MCF2L2: variants seen among roughly 807,000 people sequenced by gnomAD.
The protein encoded by MCF2L2 is MCF.2 cell line derived transforming sequence-like 2.
Under a neutral mutation model 150.2 loss-of-function variants are expected in MCF2L2, and 102 were observed. That is an observed-to-expected ratio of 0.68 (90% confidence interval 0.58 to 0.80). MCF2L2 has a LOEUF of 0.80. MCF2L2 is among the 30% of genes least tolerant of loss of function. The probability of loss-of-function intolerance (pLI) is 0.00; values close to 1 mark genes in which losing one functional copy is unlikely to be tolerated. For missense variants in MCF2L2, 1,256 were observed against 1,372.8 expected (o/e 0.91, Z 1.34); for synonymous variants, 465 against 491.3 (o/e 0.95, Z 0.71).
chr3:183,248,583 CT>C (rs1724365131), intron 15 of MCF2L2, among the ~76,000 whole-genome samples: 1 of 152,078 alleles, frequency 6.6e-6, no homozygotes, highest in South Asian at 2.1e-4. Context: ...ACCTGTAATC[CT>C]AACACTTTGG....
At position 183,297,147 on chromosome 3, in the gene MCF2L2, T is replaced by A; in HGVS notation, c.1326A>T (p.Ala442=). 1 of 1,614,116 alleles carries A rather than the reference T, an allele frequency of 6.2e-7. No homozygotes were observed. ...QLDKVSQWCE[A]GIYLLASQAV... Reference sequence around the variant, plus strand: ...CTTGGGAAGCCAAGAGGTAGATTCCTGCCTCACACCATTGGCTGACCTTTT... The same window carrying A: ...CTTGGGAAGCCAAGAGGTAGATTCCAGCCTCACACCATTGGCTGACCTTTT... Residue 442 remains alanine (A), a synonymous_variant, in exon 12 of 30, where the codon GCA becomes GCT. Transcript: ENST00000328913.
chr3:183,425,237 T>C (rs542879246), intron 1 of MCF2L2, among the ~76,000 whole-genome samples: 6 of 152,164 alleles, frequency 3.9e-5, no homozygotes, highest in South Asian at 4.2e-4. Flanking sequence ...TATGGAAATA[T>C]GGGAGTGGGT....
At position 183,179,488 on chromosome 3, in the gene MCF2L2, G is replaced by C. The variant is rs2108625115; in HGVS notation, c.3237C>G (p.Thr1079=). ...TGGACGCCCCAGCGCGCTCCTCCTC[G>C]GTGCTGCGGGTCGCCCTGCAATTCC... ...RDEEETATRS[T]EEERAGASTG... Residue 1079 remains threonine, a synonymous_variant, in exon 30 of 30, where the codon ACC becomes ACG. Transcript: ENST00000328913. The surrounding 1 kb of genome is among the most constrained non-coding windows in gnomAD (Gnocchi z 4.2). The C allele has an allele frequency of 1.9e-6, 3 of 1,607,488 alleles. No homozygotes were observed. The highest frequency in any genetic ancestry group is 2.6e-6 in the Non-Finnish European group (3 of 1,176,320).
At chr3:183,188,998 C>G (rs1220991020) in intron 27 of MCF2L2, among the ~76,000 whole-genome samples, 1 of 151,966 alleles carries the variant, frequency 6.6e-6, no homozygotes, top group East Asian at 1.9e-4. Flanking sequence ...TATGATTGAT[C>G]ACACACTGTA....
chr3:183,306,864 A>C (rs1265418156), intron 10 of MCF2L2, among the ~76,000 whole-genome samples: 1 of 152,204 alleles, frequency 6.6e-6, no homozygotes, highest in East Asian at 1.9e-4. Context: ...GGCTGAAATC[A>C]GGTGGTTCCT....
At chr3:183,387,059 C>G (rs960667967) in intron 2 of MCF2L2, among the ~76,000 whole-genome samples, 1 of 152,086 alleles carries the variant, frequency 6.6e-6, no homozygotes, top group Non-Finnish European at 1.5e-5. Context: ...AGTTCCAGAC[C>G]AGCCTGGGCA....
At chr3:183,194,968 A>G (rs1722031649) in intron 26 of MCF2L2, among the ~76,000 whole-genome samples, 1 of 151,962 alleles carries the variant, frequency 6.6e-6, no homozygotes, top group African/African-American at 2.4e-5. Flanking sequence ...TTTTTGTTAG[A>G]GACAGGGTTT....
At chr3:183,261,376 T>C (rs532722259) in intron 15 of MCF2L2, among the ~76,000 whole-genome samples, 15 of 152,322 alleles carry the variant, frequency 9.8e-5, no homozygotes, top group South Asian at 6.2e-4. Flanking sequence ...AGCATAAAGA[T>C]GGTACAGAAG....
chr3:183,254,801 G>A (rs913650355), intron 15 of MCF2L2: 1 of 152,302 alleles, frequency 6.6e-6, no homozygotes, highest in Non-Finnish European at 1.5e-5. Flanking sequence ...CAGGGAAGTG[G>A]GCAGGCGGGG....
At chr3:183,200,881 ATCCT>A (rs1722255222) in intron 25 of MCF2L2, among the ~76,000 whole-genome samples, 1 of 152,188 alleles carries the variant, frequency 6.6e-6, no homozygotes, top group South Asian at 2.1e-4. Flanking sequence ...TAAATAGGGA[ATCCT>A]TTCCCTATTT....
At chr3:183,405,243 TATAG>T (rs1314302440) in intron 1 of MCF2L2, among the ~76,000 whole-genome samples, 1 of 152,214 alleles carries the variant, frequency 6.6e-6, no homozygotes, top group Non-Finnish European at 1.5e-5. Flanking sequence ...AAAATGGGAT[TATAG>T]ACTTTCTTTC....
intron 27 of MCF2L2, among the ~76,000 whole-genome samples, chr3:183,186,015 G>A (rs1406556870): frequency 1.3e-5 from 2 of 151,982 alleles, no homozygotes; most frequent in Non-Finnish European, 2.9e-5. Context: ...GGGAGGGAGG[G>A]GCTGTAGGTC....
At position 183,311,039 on chromosome 3, in the gene MCF2L2, A is replaced by G. The variant is rs1325486596; in HGVS notation, c.879-10T>C. 2 of 1,516,510 alleles carry G rather than the reference A, an allele frequency of 1.3e-6. No individual in the cohort carries two copies. The highest frequency in any genetic ancestry group is 3.3e-5 in the Admixed American group (2 of 59,750). The allele number at this position is 1,516,510 out of a possible 1,614,324, so 93.9% of individuals were successfully genotyped here. A position where few individuals can be genotyped will look rare whatever the true frequency, so the allele number is the denominator to read the frequency against. ...CAGTTGAACTAATAACCTTTCAAGA[A>G]AGAATGAGAAAGTGATGTTAGGTTA... On this transcript the variant is annotated splice_polypyrimidine_tract_variant and intron_variant, in intron 8 of 29. Transcript: ENST00000328913.
intron 15 of MCF2L2, among the ~76,000 whole-genome samples, chr3:183,257,735 C>T (rs763388592): frequency 4.6e-5 from 7 of 152,150 alleles, no homozygotes; most frequent in East Asian, 1.9e-4. Context: ...TGGGTTATAT[C>T]GTCATCCTGT....
chr3:183,295,615 T>C, intron 12 of MCF2L2, 138 bp from the exon 13 acceptor site: 1 of 740,662 alleles, frequency 1.4e-6, no homozygotes, highest in Non-Finnish European at 2.2e-6. Context: ...GGCATCACTA[T>C]GCAAGTCGCT....
chr3:183,264,551 A>G (rs1372449032), intron 15 of MCF2L2, among the ~76,000 whole-genome samples: 1 of 152,260 alleles, frequency 6.6e-6, no homozygotes, highest in African/African-American at 2.4e-5. Context: ...GAACCCGCAG[A>G]GTAAATACTC....
At chr3:183,254,859 TC>T (rs2108395782) in intron 15 of MCF2L2, 1 of 152,382 alleles carries the variant, frequency 6.6e-6, no homozygotes, top group Non-Finnish European at 1.5e-5. Context: ...GGCCACTCTT[TC>T]CTTTGACTCT....
chr3:183,316,491 C>T (rs1009910495), intron 7 of MCF2L2, among the ~76,000 whole-genome samples: 42 of 151,426 alleles, frequency 2.8e-4, no homozygotes, highest in African/African-American at 9.0e-4. Context: ...ATTACAGGTG[C>T]CTGCCACCAT....
chr3:183,295,242 C>T, intron 13 of MCF2L2, 58 bp downstream of exon 13: 1 of 1,517,758 alleles, frequency 6.6e-7, no homozygotes, highest in Non-Finnish European at 8.9e-7. Context: ...CAGTCACAGT[C>T]CTCATGGTGC....
Sources: gnomAD v4.1 joint callset for allele counts (sites outside exome capture counted in the v4.1 genomes callset) on GRCh38, gnomAD v4.1.1 for gene constraint, Gnocchi (gnomAD v3.1) non-coding constraint, MANE v1.5 for transcripts, NCBI Gene and HGNC (gene_info 2026-07-23, HGNC 2026-07-21) for gene names.